Variants in BMP7 observed in about 807,000 individuals in gnomAD.
BMP7 encodes the protein osteogenic protein 1.
Under a neutral mutation model 41.2 loss-of-function variants are expected in BMP7, and 12 were observed. The observed-to-expected ratio is 0.29, with a 90% CI of 0.19 to 0.47. The LOEUF (loss-of-function observed/expected upper bound fraction) is 0.47, where lower values mean the gene tolerates loss of function less well. Ranked by LOEUF, BMP7 falls within the 20% of genes least tolerant of loss-of-function variation. The probability of loss-of-function intolerance (pLI) is 0.99; values close to 1 mark genes in which losing one functional copy is unlikely to be tolerated. For synonymous variants in BMP7, 248 were observed against 250.0 expected, an observed-to-expected ratio of 0.99 and a Z score of 0.07; for missense variants, 467 against 606.0, an observed-to-expected ratio of 0.77 and a Z score of 2.41.
At chr20:57,173,146 C>T in intron 6 of BMP7, 54 bp downstream of exon 6, 1 of 1,546,300 alleles carries the variant, frequency 6.5e-7, no homozygotes, top group Non-Finnish European at 8.9e-7. Flanking sequence ...GATCTGGTGG[C>T]CCCGCAGCCT....
intron 3 of BMP7, among the ~76,000 whole-genome samples, chr20:57,189,009 T>A (rs4811820): frequency 0.99 from 151,011 of 152,346 alleles, 74,855 homozygotes; most frequent in East Asian, 1. Flanking sequence ...TACAGTCAGT[T>A]CTCAACTAGG....
At chr20:57,240,475 G>C (rs1038841759) in intron 1 of BMP7, among the ~76,000 whole-genome samples, 4 of 152,174 alleles carry the variant, frequency 2.6e-5, no homozygotes, top group African/African-American at 9.7e-5. Flanking sequence ...CTTCTTCTGA[G>C]TCTTCCAAAC....
rs767952190 is a variant in BMP7, at chr20:57,259,188, G to A, written c.418+6517C>T. Among the ~76,000 whole-genome samples the A allele has an allele frequency of 5.3e-5, 8 of 151,996 alleles. No individual in the cohort carries two copies. Among genetic ancestry groups the A allele is most frequent in the Non-Finnish European group, 1.2e-4 (8 of 67,996 alleles). ...CCCACTGCTGTCACCGAGAACTTCC[G>A]TTACACGGCAGTGAAGCCCCCAATC... On this transcript the variant is annotated intron_variant, in intron 1 of 6. Coordinates refer to ENST00000395863, the MANE Select transcript of BMP7 (RefSeq NM_001719.3). This position sits in a 1 kb window ranked among gnomAD's most constrained non-coding sequence, Gnocchi z 4.7.
At chr20:57,254,774 G>A (rs2066127981) in intron 1 of BMP7, among the ~76,000 whole-genome samples, 1 of 152,106 alleles carries the variant, frequency 6.6e-6, no homozygotes, top group Admixed American at 6.5e-5. Context: ...TTTGATTTTG[G>A]GGAGTTTACA....
At chr20:57,186,478 C>T (rs1008664153) in intron 3 of BMP7, among the ~76,000 whole-genome samples, 1 of 152,092 alleles carries the variant, frequency 6.6e-6, no homozygotes, top group Admixed American at 6.5e-5. Context: ...ATTTCAAAGC[C>T]AAAAATAAAG....
intron 1 of BMP7, among the ~76,000 whole-genome samples, chr20:57,237,411 C>A (rs1415856368): frequency 6.6e-6 from 1 of 152,214 alleles, no homozygotes; most frequent in Non-Finnish European, 1.5e-5. Context: ...AAGGTTCTGG[C>A]ACACACCAGA....
intron 4 of BMP7, among the ~76,000 whole-genome samples, chr20:57,182,488 G>A (rs911625920): frequency 1.3e-4 from 20 of 152,262 alleles, no homozygotes; most frequent in African/African-American, 4.8e-4. Context: ...TGAATTGTCA[G>A]AAAGCACCCA....
At chr20:57,257,783 CA>C (rs1275952095) in intron 1 of BMP7, among the ~76,000 whole-genome samples, 17 of 102,606 alleles carry the variant, frequency 1.7e-4, no homozygotes, top group African/African-American at 6.2e-4. Context: ...TGAAAAAAAA[CA>C]GGAAAAGTGT....
rs1406470258 is a variant in BMP7 at position 57,168,953 on chromosome 20, G to C, written c.*2006C>G. 5.3e-5 allele frequency: 8 copies of C among 151,660 alleles called. No individual in the cohort carries two copies. In the East Asian group the frequency reaches 5.8e-4, roughly 11 times the overall value. 9.4% of individuals were successfully genotyped at this position (151,660 alleles called of 1,614,324 possible). On this transcript the variant is annotated 3_prime_UTR_variant, in exon 7 of 7. Transcript: ENST00000395863. ...CCTGAACGAGGGATTAAAGGGGGGG[G>C]GGTGTTCAAAAGAGCTTTGGATGGA...
chr20:57,195,894 A>G (rs1984480099), intron 3 of BMP7, among the ~76,000 whole-genome samples: 1 of 152,200 alleles, frequency 6.6e-6, no homozygotes. Context: ...TCAGGAAACA[A>G]AGATGGGGTG....
At chr20:57,172,158 C>T (rs971428550) in intron 6 of BMP7, among the ~76,000 whole-genome samples, 33 of 152,066 alleles carry the variant, frequency 2.2e-4, no homozygotes, top group Non-Finnish European at 3.7e-4. Context: ...CCCTGGCAGC[C>T]GGGGAGACAT....
chr20:57,209,337 C>T (rs1450531141), intron 2 of BMP7, among the ~76,000 whole-genome samples: 4 of 143,126 alleles, frequency 2.8e-5, no homozygotes, highest in Non-Finnish European at 6.1e-5. Flanking sequence ...CCCAGCTACT[C>T]GAGAGGCTGA....
chr20:57,253,537 C>A (rs995981982), intron 1 of BMP7, among the ~76,000 whole-genome samples: 1 of 152,072 alleles, frequency 6.6e-6, no homozygotes, highest in African/African-American at 2.4e-5. Flanking sequence ...CTTGCTGAGT[C>A]CCTGTCGTGT....
intron 4 of BMP7, among the ~76,000 whole-genome samples, chr20:57,182,038 AG>A (rs1224647028): frequency 2.0e-5 from 3 of 152,168 alleles, no homozygotes; most frequent in Admixed American, 6.5e-5. Context: ...CCCGGGCAGC[AG>A]CTCCCCTGGC....
chr20:57,185,511 T>C (rs6064508), intron 3 of BMP7, among the ~76,000 whole-genome samples: 44,430 of 152,216 alleles, frequency 0.29, 7,185 homozygotes, highest in South Asian at 0.43. Context: ...GTAGGGAAAC[T>C]GAGGCAATGG....
intron 4 of BMP7, among the ~76,000 whole-genome samples, chr20:57,182,972 C>T (rs1190937223): frequency 2.0e-5 from 3 of 152,344 alleles, no homozygotes; most frequent in South Asian, 2.1e-4. Flanking sequence ...CAGTGGCTCA[C>T]GCCTGTAATC....
chr20:57,192,236 T>G lies in BMP7; in HGVS notation c.761-8317A>C, dbSNP rs1336143127. 2.2e-3 allele frequency among the ~76,000 whole-genome samples: 280 copies of G among 127,476 alleles called. 1 individual carries two copies. Among genetic ancestry groups the G allele is most frequent in the African/African-American group, 8.0e-3 (270 of 33,756 alleles). 83.6% of individuals were successfully genotyped at this position (127,476 alleles called of 152,430 possible). On this transcript the variant is annotated intron_variant, in intron 3 of 6. Coordinates refer to ENST00000395863, the MANE Select transcript of BMP7 (RefSeq NM_001719.3). The stretch of plus-strand genomic sequence containing the variant: ...TATTATATACTATTATATTATATAA[T>G]AGTATATAGCATATATACTATAGTA...
At chr20:57,206,309 C>T (rs527358232) in intron 2 of BMP7, among the ~76,000 whole-genome samples, 6 of 152,136 alleles carry the variant, frequency 3.9e-5, no homozygotes, top group Non-Finnish European at 5.9e-5. Context: ...TTCCACGCCT[C>T]GGTTCTCTGA....
intron 3 of BMP7, among the ~76,000 whole-genome samples, chr20:57,187,331 G>C (rs536431337): frequency 6.6e-6 from 1 of 152,318 alleles, no homozygotes; most frequent in South Asian, 2.1e-4. Flanking sequence ...CCCTTTCCGT[G>C]ATAGCCAACC....
Sources: gnomAD v4.1 joint callset for allele counts (sites outside exome capture counted in the v4.1 genomes callset) on GRCh38, gnomAD v4.1.1 for gene constraint, Gnocchi (gnomAD v3.1) non-coding constraint, MANE v1.5 for transcripts, NCBI Gene and HGNC (gene_info 2026-07-23, HGNC 2026-07-21) for gene names.